Variants in GRIK4 observed in about 807,000 individuals in gnomAD.
The protein encoded by GRIK4 is glutamate receptor ionotropic, kainate 4.
GRIK4 carries 40 observed loss-of-function variants against 104.9 expected under a neutral mutation model. That is an observed-to-expected ratio of 0.38 (90% CI 0.30 to 0.50). The LOEUF is 0.50. GRIK4 is among the 20% of genes least tolerant of loss of function. The pLI, the probability that GRIK4 is intolerant of heterozygous loss-of-function variation, is 0.93. For missense variants in GRIK4, 1,047 were observed against 1,308.1 expected (o/e 0.80, Z 3.08); for synonymous variants, 485 against 524.9 (o/e 0.92, Z 1.04).
At position 120,761,486 on chromosome 11, in the gene GRIK4, C is replaced by T. The variant is rs867023000; in HGVS notation, c.83-41207C>T. Among the ~76,000 whole-genome samples the T allele has an allele frequency of 3.3e-4, 50 of 152,236 alleles. 1 individual carries two copies. The highest frequency in any genetic ancestry group is 2.1e-4 in the Non-Finnish European group (14 of 68,024). ...CATTTGTCAATTTTGGCTTTTGTTGCCATTGCTTTTGGTGTTTTAGTCATG... is the reference window on the plus strand; with the variant it reads ...CATTTGTCAATTTTGGCTTTTGTTGTCATTGCTTTTGGTGTTTTAGTCATG... On this transcript the variant is annotated intron_variant, in intron 3 of 20. Coordinates refer to ENST00000527524, the MANE Select transcript of GRIK4 (RefSeq NM_014619.5).
At chr11:120,516,490 G>A (rs2254806) in intron 1 of GRIK4, among the ~76,000 whole-genome samples, 73,283 of 151,672 alleles carry the variant, frequency 0.48, 18,394 homozygotes, top group African/African-American at 0.56. Context: ...GGATTGTCAC[G>A]GTAGACGGGG....
At chr11:120,665,147 C>T (rs932933664) in intron 3 of GRIK4, among the ~76,000 whole-genome samples, 2 of 151,908 alleles carry the variant, frequency 1.3e-5, no homozygotes, top group Non-Finnish European at 2.9e-5. Context: ...GGATAAAAAA[C>T]ACCAGTTTCT....
intron 13 of GRIK4, among the ~76,000 whole-genome samples, chr11:120,937,599 A>C (rs1335937283): frequency 6.6e-6 from 1 of 152,102 alleles, no homozygotes; most frequent in Non-Finnish European, 1.5e-5. Context: ...GGAAAGAAAG[A>C]CTGGGACTGG....
chr11:120,742,172 C>T (rs1951343974), intron 3 of GRIK4, among the ~76,000 whole-genome samples: 1 of 151,840 alleles, frequency 6.6e-6, no homozygotes, highest in African/African-American at 2.4e-5. Flanking sequence ...ATGGGGAAAC[C>T]CCGTCTCTAC....
chr11:120,595,992 G>A (rs1389119350), intron 1 of GRIK4, among the ~76,000 whole-genome samples: 15 of 152,254 alleles, frequency 9.9e-5, no homozygotes, highest in Admixed American at 5.9e-4. Context: ...GATTACAGGC[G>A]TGCGCCACCA....
At position 120,883,033 on chromosome 11, in the gene GRIK4, G is replaced by A. The variant is rs112181658; in HGVS notation, c.1164+7790G>A. On this transcript the variant is annotated intron_variant, in intron 11 of 20. Transcript: ENST00000527524. The stretch of plus-strand genomic sequence containing the variant: ...CCTGCAAGCACCGGTCCAGTGCTCC[G>A]TTTATGTGCTCCCTCTACTGTAGCC... Among the ~76,000 whole-genome samples the A allele has an allele frequency of 4.9e-3, 749 of 152,284 alleles. 3 individuals carry two copies. The highest frequency in any genetic ancestry group is 0.017 in the African/African-American group (704 of 41,558).
intron 6 of GRIK4, among the ~76,000 whole-genome samples, chr11:120,826,394 T>C (rs1409052721): frequency 6.6e-6 from 1 of 152,110 alleles, no homozygotes; most frequent in Non-Finnish European, 1.5e-5. Context: ...GACCGTATGA[T>C]CTCAGTCACT....
At chr11:120,804,086 G>A (rs1952671350) in intron 4 of GRIK4, among the ~76,000 whole-genome samples, 1 of 152,206 alleles carries the variant, frequency 6.6e-6, no homozygotes, top group Non-Finnish European at 1.5e-5. Context: ...GTGGGCTGGT[G>A]ACTTGTGGCT....
intron 3 of GRIK4, among the ~76,000 whole-genome samples, chr11:120,744,678 A>G (rs552029937): frequency 1.3e-5 from 2 of 152,202 alleles, no homozygotes; most frequent in African/African-American, 2.4e-5. Context: ...AAGAGGTGGC[A>G]TTTGTATAAA....
chr11:120,698,253 T>A (rs1008475462), intron 3 of GRIK4, among the ~76,000 whole-genome samples: 1 of 152,240 alleles, frequency 6.6e-6, no homozygotes, highest in African/African-American at 2.4e-5. Flanking sequence ...ATAATAAAAT[T>A]AATTTCAATG....
intron 9 of GRIK4, chr11:120,869,916 C>A (rs1954552507): frequency 1.3e-5 from 2 of 152,268 alleles, no homozygotes; most frequent in African/African-American, 2.4e-5. Context: ...TAGCAAGATT[C>A]CGGAGTGGTG....
At chr11:120,644,566 C>T (rs773729173) in intron 1 of GRIK4, among the ~76,000 whole-genome samples, 5 of 152,156 alleles carry the variant, frequency 3.3e-5, no homozygotes, top group African/African-American at 4.8e-5. Flanking sequence ...CCAGTTGCTC[C>T]GGAGGCTGCC....
chr11:120,696,320 G>A (rs764934584), intron 3 of GRIK4, among the ~76,000 whole-genome samples: 13 of 152,082 alleles, frequency 8.5e-5, no homozygotes, highest in Non-Finnish European at 7.4e-5. Flanking sequence ...GCAGACTTAC[G>A]CTATCCACAG....
chr11:120,943,153 C>A (rs113404441), intron 14 of GRIK4, among the ~76,000 whole-genome samples: 38 of 89,296 alleles, frequency 4.3e-4, no homozygotes, highest in East Asian at 6.7e-4. Context: ...CACACACACC[C>A]CCCTGACTGT....
At chr11:120,928,960 C>CGTGTGT (rs61452053) in intron 13 of GRIK4, among the ~76,000 whole-genome samples, 3 of 150,362 alleles carry the variant, frequency 2.0e-5, no homozygotes, top group African/African-American at 7.4e-5. Context: ...TTAGCAAAGA[C>CGTGTGT]GTGTGTGTGT....
chr11:120,721,965 CATG>C (rs1950940503), intron 3 of GRIK4, among the ~76,000 whole-genome samples: 1 of 152,204 alleles, frequency 6.6e-6, no homozygotes, highest in South Asian at 2.1e-4. Flanking sequence ...ACTCACTTCT[CATG>C]GTGTCTTTTG....
chr11:120,922,703 G>T (rs2134573237), intron 13 of GRIK4, among the ~76,000 whole-genome samples: 1 of 152,312 alleles, frequency 6.6e-6, no homozygotes, highest in East Asian at 1.9e-4. Context: ...CCATTTGTCA[G>T]CGTGAGAGCC....
intron 3 of GRIK4, among the ~76,000 whole-genome samples, chr11:120,772,771 T>A (rs958756781): frequency 6.6e-6 from 1 of 151,858 alleles, no homozygotes; most frequent in Non-Finnish European, 1.5e-5. Flanking sequence ...TCTAGCATGC[T>A]GCTGGAAGGA....
At chr11:120,815,346 G>C in intron 4 of GRIK4, 32 bp from the exon 5 acceptor site, 1 of 1,320,992 alleles carries the variant, frequency 7.6e-7, no homozygotes, top group African/African-American at 1.5e-5. Context: ...TGAGTGCTTT[G>C]CTTCTTTCCC....
Sources: allele counts gnomAD v4.1 joint callset (sites outside exome capture counted in the v4.1 genomes callset), GRCh38; gene constraint gnomAD v4.1.1; transcripts MANE v1.5; gene names NCBI Gene and HGNC (gene_info 2026-07-23, HGNC 2026-07-21).